The following TPTE2 variants were observed in gnomAD, a reference collection of about 807,000 sequenced individuals.
TPTE2 encodes the protein transmembrane phosphoinositide 3-phosphatase and tensin homolog 2.
A neutral mutation model predicts 78.6 loss-of-function variants in TPTE2; 53 were observed. That is an observed-to-expected ratio of 0.67 (90% CI 0.54 to 0.85). TPTE2 has a LOEUF of 0.85. Among genes scored for constraint, TPTE2 ranks in the 40% least tolerant of loss-of-function variants. TPTE2 has a pLI of 0.00. For missense variants in TPTE2, 461 were observed against 623.0 expected (o/e 0.74, Z 2.77); for synonymous variants, 175 against 206.2 (o/e 0.85, Z 1.30).
chr13:19,521,914 T>C (rs1335964408), intron 1 of TPTE2, among the ~76,000 whole-genome samples: 1 of 152,178 alleles, frequency 6.6e-6, no homozygotes. Flanking sequence ...CTTTCTCAGC[T>C]CTTTATTTCC....
chr13:19,536,570 A>G (rs1871222853), intron 1 of TPTE2: 1 of 152,172 alleles, frequency 6.6e-6, no homozygotes, highest in East Asian at 1.9e-4. Context: ...ATACTATTAT[A>G]TTGCATGTAT....
At chr13:19,500,028 G>A (rs867217238) in intron 1 of TPTE2, among the ~76,000 whole-genome samples, 29 of 149,008 alleles carry the variant, frequency 1.9e-4, no homozygotes, top group Non-Finnish European at 3.3e-4. Flanking sequence ...ACACCTCTAC[G>A]CAAATAAACT....
At chr13:19,485,117 C>G (rs1168269148) in intron 3 of TPTE2, among the ~76,000 whole-genome samples, 2 of 152,082 alleles carry the variant, frequency 1.3e-5, no homozygotes, top group Non-Finnish European at 2.9e-5. Context: ...ATTCCTTTCT[C>G]TTTCTCCTTT....
chr13:19,499,237 C>G (rs906544305), intron 1 of TPTE2, among the ~76,000 whole-genome samples: 121 of 152,224 alleles, frequency 7.9e-4, no homozygotes, highest in African/African-American at 2.6e-3. Context: ...TTAGACAGAT[C>G]AACGAGACAG....
intron 10 of TPTE2, among the ~76,000 whole-genome samples, chr13:19,462,625 C>T (rs1878996449): frequency 6.6e-6 from 1 of 151,678 alleles, no homozygotes; most frequent in Non-Finnish European, 1.5e-5. Flanking sequence ...CCACTGCAAC[C>T]TCCACCTCCT....
At chr13:19,504,355 C>A (rs1177061023), upstream of TPTE2, among the ~76,000 whole-genome samples, 2 of 152,100 alleles carry the variant, frequency 1.3e-5, no homozygotes, top group Non-Finnish European at 2.9e-5. Flanking sequence ...TTTTCACCAT[C>A]ATGGGTGTCT....
intron 1 of TPTE2, among the ~76,000 whole-genome samples, chr13:19,510,950 T>C (rs1053331189): frequency 7.2e-5 from 11 of 152,298 alleles, no homozygotes; most frequent in African/African-American, 2.6e-4. Context: ...TTATATAAAT[T>C]GGAAAGTTTG....
chr13:19,440,870 C>G lies in TPTE2; in HGVS notation c.974-2717G>C, dbSNP rs1342305853. Among the ~76,000 whole-genome samples the G allele has an allele frequency of 3.3e-5, 5 of 151,482 alleles. No homozygotes were observed. In the East Asian group the frequency reaches 7.8e-4, roughly 24 times the overall value. On this transcript the variant is annotated intron_variant, in intron 13 of 19. Transcript: ENST00000400230. Reference sequence around the variant, plus strand: ...GGGAGGCTGGGGTGGGTGGATCACCCGAGGTCAGGAGTTCGAGAGCAGCCT... The same window carrying G: ...GGGAGGCTGGGGTGGGTGGATCACCGGAGGTCAGGAGTTCGAGAGCAGCCT...
At chr13:19,560,556 G>A in the TPTE2 span, 2 of 1,597,008 alleles carry the variant, frequency 1.3e-6, no homozygotes, top group Non-Finnish European at 8.5e-7. Context: ...GGATGCTCTT[G>A]GCCCAGCTGA....
chr13:19,463,596 G>A (rs1879074398), intron 10 of TPTE2, among the ~76,000 whole-genome samples: 1 of 152,044 alleles, frequency 6.6e-6, no homozygotes, highest in Admixed American at 6.6e-5. Context: ...TGCACATCTG[G>A]GGAAACTGTT....
At chr13:19,483,707 G>A (rs998542761) in intron 3 of TPTE2, among the ~76,000 whole-genome samples, 1 of 152,046 alleles carries the variant, frequency 6.6e-6, no homozygotes, top group Non-Finnish European at 1.5e-5. Context: ...CTAGTTTCTT[G>A]AGGTAGAATT....
rs572155442 is a variant in TPTE2 at position 19,484,502 on chromosome 13, A to G, written c.120-1955T>C. Among the ~76,000 whole-genome samples the G allele has an allele frequency of 2.3e-3, 348 of 152,244 alleles. 1 individual carries two copies. The highest frequency in any genetic ancestry group is 7.8e-3 in the African/African-American group (326 of 41,536). On this transcript the variant is annotated intron_variant, in intron 3 of 19. Coordinates refer to ENST00000400230, the Ensembl canonical transcript of TPTE2. ...TCCATTTGGTCTATGGTGGAGTTTA[A>G]GTCTGATGTTTCTTTGTTGATTTTC... is the stretch of plus-strand genomic sequence containing the variant.
chr13:19,458,916 A>T (rs556427380), intron 10 of TPTE2, among the ~76,000 whole-genome samples: 7 of 152,096 alleles, frequency 4.6e-5, no homozygotes, highest in Non-Finnish European at 1.0e-4. Flanking sequence ...AATGATTTAT[A>T]TTCCTTTGGG....
At chr13:19,425,886 C>A (rs1483028565) in intron 18 of TPTE2, 1 of 514,892 alleles carries the variant, frequency 1.9e-6, no homozygotes, top group Non-Finnish European at 3.9e-6. Context: ...ATTGTGCTGC[C>A]TTCTCTGTTT....
the TPTE2 span, among the ~76,000 whole-genome samples, chr13:19,546,227 C>T: frequency 2.6e-5 from 4 of 151,982 alleles, no homozygotes; most frequent in Admixed American, 6.6e-5. Context: ...AACCTGTGCA[C>T]GGCTGTTCAG....
chr13:19,503,122 T>C (rs573931376), intron 1 of TPTE2, 102 bp downstream of exon 4: 20 of 1,528,600 alleles, frequency 1.3e-5, no homozygotes, highest in Admixed American at 7.1e-5. Context: ...GATGGATGCA[T>C]GGATGCATGG....
intron 3 of TPTE2, among the ~76,000 whole-genome samples, chr13:19,492,480 T>C (rs1366953181): frequency 6.6e-6 from 1 of 152,098 alleles, no homozygotes; most frequent in Non-Finnish European, 1.5e-5. Context: ...CCTTAAAAAA[T>C]TACCTACTAG....
At chr13:19,513,366 T>C (rs1008472036) in intron 1 of TPTE2, among the ~76,000 whole-genome samples, 3 of 152,228 alleles carry the variant, frequency 2.0e-5, no homozygotes, top group Non-Finnish European at 4.4e-5. Flanking sequence ...GAAAGAATTT[T>C]AGAATCAGTG....
At chr13:19,429,551 T>C (rs905009402) in intron 17 of TPTE2, among the ~76,000 whole-genome samples, 1 of 152,242 alleles carries the variant, frequency 6.6e-6, no homozygotes, top group Non-Finnish European at 1.5e-5. Flanking sequence ...CATAAATAGC[T>C]GTTCAGTAAA....
Sources: gnomAD v4.1 joint callset for allele counts (sites outside exome capture counted in the v4.1 genomes callset) on GRCh38, gnomAD v4.1.1 for gene constraint, MANE v1.5 for transcripts, NCBI Gene and HGNC (gene_info 2026-07-23, HGNC 2026-07-21) for gene names.